Variants in MSI2 observed in about 807,000 individuals in gnomAD.
The protein encoded by MSI2 is RNA-binding protein Musashi homolog 2.
A neutral mutation model predicts 45.6 loss-of-function variants in MSI2; 17 were observed. The ratio of observed to expected loss-of-function variants is 0.37; its 90% CI spans 0.26 to 0.56. The LOEUF is 0.56. MSI2 is among the 20% of genes least tolerant of loss of function. The pLI, the probability that MSI2 is intolerant of heterozygous loss-of-function variation, is 0.77. For synonymous variants in MSI2, 156 were observed against 158.2 expected (o/e 0.99, Z 0.11); for missense variants, 293 against 444.2 (o/e 0.66, Z 3.06).
intron 6 of MSI2, among the ~76,000 whole-genome samples, chr17:57,426,954 G>A (rs2084504081): frequency 6.6e-6 from 1 of 152,220 alleles, no homozygotes; most frequent in African/African-American, 2.4e-5. Context: ...GGGAGATGCG[G>A]GTGTCCACTG....
intron 6 of MSI2, among the ~76,000 whole-genome samples, chr17:57,417,195 G>A (rs558463962): frequency 4.6e-5 from 7 of 152,136 alleles, no homozygotes; most frequent in Admixed American, 6.5e-5. Context: ...CCTGAGCATT[G>A]ACCTGGAAAA....
At chr17:57,303,213 C>G (rs569516173) in intron 5 of MSI2, among the ~76,000 whole-genome samples, 4 of 152,272 alleles carry the variant, frequency 2.6e-5, no homozygotes, top group African/African-American at 9.6e-5. Context: ...TGAGTGCTTT[C>G]CTGTGAAAAT....
chr17:57,634,441 G>C lies in MSI2; in HGVS notation c.727+7138G>C, dbSNP rs1302366358. On this transcript the variant is annotated intron_variant, in intron 10 of 13. Coordinates refer to ENST00000284073, the MANE Select transcript of MSI2 (RefSeq NM_138962.4). ...AGATCACGCGGTTGCACTCCAGCCTGGGTGACAGAGTGAGACTCTGTCTCA... is the reference window on the plus strand; with the variant it reads ...AGATCACGCGGTTGCACTCCAGCCTCGGTGACAGAGTGAGACTCTGTCTCA... 2.0e-5 allele frequency among the ~76,000 whole-genome samples: 3 copies of C among 151,708 alleles called. No individual in the cohort carries two copies. The South Asian group carries it at 6.3e-4, about 32-fold the overall frequency.
At chr17:57,326,183 C>G (rs1446727290) in intron 5 of MSI2, among the ~76,000 whole-genome samples, 3 of 152,134 alleles carry the variant, frequency 2.0e-5, no homozygotes, top group Non-Finnish European at 4.4e-5. Context: ...ATTCTCATAT[C>G]CCCCAAATTT....
chr17:57,596,198 C>T lies in MSI2; in HGVS notation c.455-670C>T, dbSNP rs567219881. 1.7e-3 allele frequency among the ~76,000 whole-genome samples: 256 copies of T among 152,322 alleles called. No individual in the cohort carries two copies. Among genetic ancestry groups the T allele is most frequent in the Non-Finnish European group, 3.0e-3 (206 of 68,034 alleles). ...TGAGCAGCAGTCGCCTGCCAAAATT[C>T]TTCAGTGCAGCTTGTCTAGCAAAGC... is the stretch of plus-strand genomic sequence containing the variant. On this transcript the variant is annotated intron_variant, in intron 7 of 13. Coordinates refer to ENST00000284073, the MANE Select transcript of MSI2 (RefSeq NM_138962.4). This position sits in a 1 kb window ranked among gnomAD's most constrained non-coding sequence, Gnocchi z 4.6.
intron 7 of MSI2, among the ~76,000 whole-genome samples, chr17:57,562,141 C>T (rs1330417061): frequency 1.3e-5 from 2 of 152,132 alleles, no homozygotes; most frequent in Admixed American, 1.3e-4. Flanking sequence ...TTTATCTATC[C>T]ATCTGCCCGT....
At chr17:57,647,870 G>A (rs910525908) in intron 10 of MSI2, among the ~76,000 whole-genome samples, 2 of 151,488 alleles carry the variant, frequency 1.3e-5, no homozygotes, top group Non-Finnish European at 2.9e-5. Context: ...TTGAACTCCC[G>A]ACCTCAGGTG....
intron 6 of MSI2, among the ~76,000 whole-genome samples, chr17:57,467,192 A>AT (rs2085344863): frequency 6.6e-6 from 1 of 152,232 alleles, no homozygotes; most frequent in Non-Finnish European, 1.5e-5. Flanking sequence ...GAAGACAGGC[A>AT]TTGCTCCTCC....
chr17:57,348,129 A>C (rs917584729), intron 5 of MSI2, among the ~76,000 whole-genome samples: 3 of 152,316 alleles, frequency 2.0e-5, no homozygotes, highest in African/African-American at 7.2e-5. Flanking sequence ...TCTAAATGCT[A>C]AGTTCTGTGC....
chr17:57,472,780 G>A (rs938839814), intron 6 of MSI2, among the ~76,000 whole-genome samples: 2 of 152,108 alleles, frequency 1.3e-5, no homozygotes, highest in Admixed American at 1.3e-4. Context: ...TATTTGTCCC[G>A]TCACACGGAG....
chr17:57,316,687 C>T (rs1460427018), intron 5 of MSI2, among the ~76,000 whole-genome samples: 1 of 152,086 alleles, frequency 6.6e-6, no homozygotes, highest in Non-Finnish European at 1.5e-5. Flanking sequence ...GTGTACTTGC[C>T]CCCTTCCCCA....
chr17:57,377,929 G>A (rs2144006065), intron 5 of MSI2, among the ~76,000 whole-genome samples: 1 of 152,172 alleles, frequency 6.6e-6, no homozygotes, highest in Admixed American at 6.5e-5. Flanking sequence ...CAAAAAATTA[G>A]CCAGGCGTGG....
chr17:57,419,970 G>A (rs1330458248), intron 6 of MSI2, among the ~76,000 whole-genome samples: 1 of 152,180 alleles, frequency 6.6e-6, no homozygotes, highest in African/African-American at 2.4e-5. Context: ...ATCAAGTATG[G>A]GGTATCCTGG....
intron 6 of MSI2, among the ~76,000 whole-genome samples, chr17:57,513,228 C>T (rs1220560207): frequency 6.6e-6 from 1 of 152,106 alleles, no homozygotes; most frequent in Non-Finnish European, 1.5e-5. Context: ...CCCACCTCAG[C>T]CTCCCAAAGT....
At chr17:57,349,191 C>T (rs913968028) in intron 5 of MSI2, among the ~76,000 whole-genome samples, 1 of 152,182 alleles carries the variant, frequency 6.6e-6, no homozygotes, top group Non-Finnish European at 1.5e-5. Flanking sequence ...GCCCTTCCTT[C>T]TCCTGTTACT....
chr17:57,427,882 C>T (rs1380451201), intron 6 of MSI2, among the ~76,000 whole-genome samples: 1 of 151,984 alleles, frequency 6.6e-6, no homozygotes, highest in African/African-American at 2.4e-5. Flanking sequence ...GTGAGCTCTG[C>T]AGTGGGACAA....
At chr17:57,491,533 TCTC>T (rs1342319672) in intron 6 of MSI2, among the ~76,000 whole-genome samples, 2 of 152,146 alleles carry the variant, frequency 1.3e-5, no homozygotes, top group African/African-American at 4.8e-5. Context: ...ACATGTTACA[TCTC>T]CTGATGCAGA....
chr17:57,640,188 C>G (rs1271906880), intron 10 of MSI2, among the ~76,000 whole-genome samples: 2 of 152,168 alleles, frequency 1.3e-5, no homozygotes, highest in Non-Finnish European at 2.9e-5. Flanking sequence ...CACTGGGGCT[C>G]CAGGCTCCGC....
At chr17:57,636,510 G>A (rs546373994) in intron 10 of MSI2, among the ~76,000 whole-genome samples, 147 of 152,124 alleles carry the variant, frequency 9.7e-4, no homozygotes, top group Non-Finnish European at 1.6e-3. Flanking sequence ...CAGGAGAGGC[G>A]AGACCCCGGG....
Sources: gnomAD v4.1 joint callset for allele counts (sites outside exome capture counted in the v4.1 genomes callset) on GRCh38, gnomAD v4.1.1 for gene constraint, Gnocchi (gnomAD v3.1) non-coding constraint, MANE v1.5 for transcripts, NCBI Gene and HGNC (gene_info 2026-07-23, HGNC 2026-07-21) for gene names.